HS3ST4: variants seen among roughly 807,000 people sequenced by gnomAD.
The protein encoded by HS3ST4 is heparan sulfate glucosamine 3-O-sulfotransferase 4.
A neutral mutation model predicts 29.2 loss-of-function variants in HS3ST4; 17 were observed. The observed-to-expected ratio is 0.58, with a 90% CI of 0.40 to 0.87. HS3ST4 has a LOEUF of 0.87. HS3ST4 is among the 40% of genes least tolerant of loss of function. The pLI, the probability that HS3ST4 is intolerant of heterozygous loss-of-function variation, is 0.00. For synonymous variants in HS3ST4, 314 were observed against 285.7 expected (o/e 1.10, Z -1.00); for missense variants, 627 against 634.5 (o/e 0.99, Z 0.13).
At chr16:25,765,847 T>C (rs1350264346) in intron 1 of HS3ST4, among the ~76,000 whole-genome samples, 3 of 152,118 alleles carry the variant, frequency 2.0e-5, no homozygotes, top group African/African-American at 7.2e-5. Flanking sequence ...GTCACTTTGC[T>C]GAGGGGGCTG....
In HS3ST4 at chr16:25,703,698, A is replaced by G. The variant is rs1013566990; in HGVS notation, c.734+10547A>G. 2.6e-5 allele frequency among the ~76,000 whole-genome samples: 4 copies of G among 152,170 alleles called. No individual in the cohort carries two copies. In the South Asian group the frequency reaches 8.3e-4, roughly 32 times the overall value. On this transcript the variant is annotated intron_variant, in intron 1 of 1. Transcript: ENST00000331351. ...TCTTGCCCTCACAGTAAACAGTGGA[A>G]GTGGTTTTCTTTCTGTTCAGGGACT...
intron 1 of HS3ST4, among the ~76,000 whole-genome samples, chr16:25,728,253 G>A (rs1459005463): frequency 1.3e-5 from 2 of 152,102 alleles, no homozygotes; most frequent in Non-Finnish European, 2.9e-5. Flanking sequence ...GACTGCCTTG[G>A]CCTCTCAAAG....
intron 1 of HS3ST4, among the ~76,000 whole-genome samples, chr16:26,046,153 T>C (rs1456121737): frequency 6.7e-6 from 1 of 148,938 alleles, no homozygotes; most frequent in Non-Finnish European, 1.5e-5. Context: ...AAATTTTTTT[T>C]TTTTTTTTTT....
chr16:26,022,004 C>T (rs1025279882), intron 1 of HS3ST4, among the ~76,000 whole-genome samples: 8 of 151,912 alleles, frequency 5.3e-5, no homozygotes, highest in Non-Finnish European at 1.0e-4. Context: ...GCTACATCAC[C>T]CAGGCTGGAG....
chr16:25,894,740 AG>A, intron 1 of HS3ST4, among the ~76,000 whole-genome samples: 1 of 152,184 alleles, frequency 6.6e-6, no homozygotes, highest in South Asian at 2.1e-4. Flanking sequence ...TCCGGACCTC[AG>A]GTGATCCACC....
At chr16:26,123,550 A>G (rs774791655) in intron 1 of HS3ST4, among the ~76,000 whole-genome samples, 14 of 152,322 alleles carry the variant, frequency 9.2e-5, no homozygotes, top group South Asian at 2.1e-4. Flanking sequence ...TTTTATTTCA[A>G]TAGTTTTTGG....
chr16:25,702,996 T>C (rs1404177206), intron 1 of HS3ST4, among the ~76,000 whole-genome samples: 1 of 151,940 alleles, frequency 6.6e-6, no homozygotes, highest in Non-Finnish European at 1.5e-5. Context: ...CCGTCTCTAC[T>C]AAAAATACAA....
chr16:26,065,203 G>C (rs1898528017), intron 1 of HS3ST4, among the ~76,000 whole-genome samples: 1 of 152,184 alleles, frequency 6.6e-6, no homozygotes, highest in African/African-American at 2.4e-5. Flanking sequence ...ATTCACAATA[G>C]CAAAGCCATG....
chr16:26,094,809 C>A (rs1898902786), intron 1 of HS3ST4, among the ~76,000 whole-genome samples: 1 of 152,128 alleles, frequency 6.6e-6, no homozygotes, highest in African/African-American at 2.4e-5. Flanking sequence ...AATTAAAAGA[C>A]ACAAACTAGC....
At chr16:25,883,084 G>C (rs1443918190) in intron 1 of HS3ST4, among the ~76,000 whole-genome samples, 3 of 150,564 alleles carry the variant, frequency 2.0e-5, no homozygotes, top group Non-Finnish European at 2.9e-5. Flanking sequence ...GCTAAACCAG[G>C]CTCCCTGACC....
chr16:26,034,267 AC>A (rs1969561872), intron 1 of HS3ST4, among the ~76,000 whole-genome samples: 1 of 152,126 alleles, frequency 6.6e-6, no homozygotes, highest in Non-Finnish European at 1.5e-5. Context: ...ATGCCCAGTG[AC>A]CCAGGCAGCA....
chr16:25,739,506 A>AAAACAAAC (rs112438238), intron 1 of HS3ST4, among the ~76,000 whole-genome samples: 2,053 of 152,228 alleles, frequency 0.013, 46 homozygotes, highest in African/African-American at 0.046. Flanking sequence ...GACATGCTTA[A>AAAACAAAC]AAACAAACAA....
intron 1 of HS3ST4, among the ~76,000 whole-genome samples, chr16:25,916,244 T>C (rs1336259853): frequency 1.3e-5 from 2 of 152,222 alleles, no homozygotes; most frequent in Non-Finnish European, 2.9e-5. Context: ...AACTACGTCA[T>C]GCTCTGCACT....
At chr16:25,767,465 G>C (rs1026622347) in intron 1 of HS3ST4, among the ~76,000 whole-genome samples, 2 of 152,140 alleles carry the variant, frequency 1.3e-5, no homozygotes, top group Admixed American at 1.3e-4. Flanking sequence ...TCCATGGGAG[G>C]TGGGGGGTGA....
At chr16:25,702,224 A>G (rs1966338889) in intron 1 of HS3ST4, among the ~76,000 whole-genome samples, 1 of 152,214 alleles carries the variant, frequency 6.6e-6, no homozygotes, top group Admixed American at 6.5e-5. Context: ...TGGAAAACCT[A>G]AGATTACCAA....
At chr16:25,963,305 A>G (rs1968812474) in intron 1 of HS3ST4, among the ~76,000 whole-genome samples, 2 of 152,042 alleles carry the variant, frequency 1.3e-5, no homozygotes, top group African/African-American at 4.8e-5. Flanking sequence ...TGTTCCTGAT[A>G]GCTGAATGTC....
intron 1 of HS3ST4, among the ~76,000 whole-genome samples, chr16:25,828,317 T>TTTCC (rs1967255380): frequency 7.6e-6 from 1 of 132,108 alleles, no homozygotes; most frequent in Non-Finnish European, 1.6e-5. Flanking sequence ...TCTCTCTCTC[T>TTTCC]CTCTCTCTCT....
intron 1 of HS3ST4, among the ~76,000 whole-genome samples, chr16:25,750,190 G>A (rs1008694590): frequency 3.3e-5 from 5 of 152,146 alleles, no homozygotes; most frequent in Admixed American, 2.6e-4. Flanking sequence ...GTTGATTGGC[G>A]TTTCTACATA....
intron 1 of HS3ST4, among the ~76,000 whole-genome samples, chr16:25,741,902 T>C (rs1966656244): frequency 6.6e-6 from 1 of 152,104 alleles, no homozygotes; most frequent in African/African-American, 2.4e-5. Flanking sequence ...ACATTCTTAA[T>C]TGCTAAGTGG....
Sources: allele counts gnomAD v4.1 joint callset (sites outside exome capture counted in the v4.1 genomes callset), GRCh38; gene constraint gnomAD v4.1.1; transcripts MANE v1.5; gene names NCBI Gene and HGNC (gene_info 2026-07-23, HGNC 2026-07-21).